Variants in MDFIC observed in about 807,000 individuals in gnomAD.
The protein encoded by MDFIC is myoD family inhibitor domain-containing protein.
Under a neutral mutation model 23.2 loss-of-function variants are expected in MDFIC, and 17 were observed. That is an observed-to-expected ratio of 0.73 (90% CI 0.50 to 1.10). The LOEUF (loss-of-function observed/expected upper bound fraction) is 1.10. Among genes scored for constraint, MDFIC ranks in the 50% least tolerant of loss-of-function variants. The pLI is 0.00. For missense variants in MDFIC, 356 were observed against 316.6 expected (o/e 1.12, Z -0.95); for synonymous variants, 120 against 115.2 (o/e 1.04, Z -0.27).
intron 4 of MDFIC, among the ~76,000 whole-genome samples, chr7:114,995,576 A>C (rs1323719752): frequency 1.3e-5 from 2 of 152,182 alleles, no homozygotes; most frequent in Non-Finnish European, 2.9e-5. Context: ...CAGGACCCTC[A>C]GCTGCAGGTC....
chr7:114,932,220 A>G (rs1792322463), intron 2 of MDFIC, among the ~76,000 whole-genome samples: 1 of 152,240 alleles, frequency 6.6e-6, no homozygotes, highest in Non-Finnish European at 1.5e-5. Flanking sequence ...AATGGATATA[A>G]TTCATACTTC....
At position 115,008,392 on chromosome 7, in the gene MDFIC, T is replaced by C. The variant is rs1262858800; in HGVS notation, c.494-7296T>C. On this transcript the variant is annotated intron_variant, in intron 4 of 4. Coordinates refer to ENST00000393486, the MANE Select transcript of MDFIC (RefSeq NM_001166345.3). ...ATTTCCCAAAGTATGGTGTTCTTTG[T>C]CCTGCAGTGGAAAATGTAGCTTTTC... Among the ~76,000 whole-genome samples the C allele has an allele frequency of 3.3e-5, 5 of 152,144 alleles. No homozygotes were observed. In the East Asian group the frequency reaches 7.7e-4, roughly 23 times the overall value.
chr7:114,986,736 A>G (rs905210667), intron 4 of MDFIC, among the ~76,000 whole-genome samples: 6 of 152,200 alleles, frequency 3.9e-5, no homozygotes, highest in African/African-American at 9.6e-5. Flanking sequence ...CATCTTAGTC[A>G]TCATCTCCTG....
chr7:115,010,715 T>G (rs1380809720), intron 4 of MDFIC, among the ~76,000 whole-genome samples: 1 of 152,214 alleles, frequency 6.6e-6, no homozygotes, highest in East Asian at 1.9e-4. Context: ...TTTTAATATT[T>G]ACATAAATAG....
At position 114,922,989 on chromosome 7, in the gene MDFIC, C is replaced by T; in HGVS notation, c.-45C>T. On this transcript the variant is annotated 5_prime_UTR_variant, in exon 2 of 5. Coordinates refer to ENST00000393486, the MANE Select transcript of MDFIC (RefSeq NM_001166345.3). Reference sequence around the variant, plus strand: ...TTCCTCCGTGCGCCCTGCCGGGCGGCGAGCTAGGCGGCAGCGGCGCGGCGC... The same window carrying T: ...TTCCTCCGTGCGCCCTGCCGGGCGGTGAGCTAGGCGGCAGCGGCGCGGCGC... The T allele has an allele frequency of 2.6e-6, 4 of 1,527,288 alleles. No individual in the cohort carries two copies. Among genetic ancestry groups the T allele is most frequent in the African/African-American group, 1.4e-5 (1 of 69,656 alleles). The allele number at this position is 1,527,288 out of a possible 1,614,324, so 94.6% of individuals were successfully genotyped here.
At chr7:114,945,467 T>A (rs1260550573) in intron 3 of MDFIC, among the ~76,000 whole-genome samples, 3 of 152,234 alleles carry the variant, frequency 2.0e-5, no homozygotes, top group Non-Finnish European at 4.4e-5. Flanking sequence ...GTACTTAGTC[T>A]GCTTTCCCTG....
chr7:114,960,071 T>C (rs1318373468), intron 3 of MDFIC, among the ~76,000 whole-genome samples: 1 of 152,156 alleles, frequency 6.6e-6, no homozygotes, highest in Non-Finnish European at 1.5e-5. Context: ...ACTCATTCAC[T>C]GTGGGACACT....
chr7:114,963,165 ATAATT>A (rs1563143433), intron 3 of MDFIC, among the ~76,000 whole-genome samples: 1 of 152,232 alleles, frequency 6.6e-6, no homozygotes, highest in Non-Finnish European at 1.5e-5. Flanking sequence ...TTATAAATGA[ATAATT>A]TATAATGGTA....
At chr7:115,001,230 G>A (rs908443704) in intron 4 of MDFIC, among the ~76,000 whole-genome samples, 1 of 152,148 alleles carries the variant, frequency 6.6e-6, no homozygotes, top group Non-Finnish European at 1.5e-5. Context: ...AGAAATCCAG[G>A]AGTTTGGGGG....
At chr7:114,931,749 T>C (rs969621285) in intron 2 of MDFIC, among the ~76,000 whole-genome samples, 1 of 152,082 alleles carries the variant, frequency 6.6e-6, no homozygotes, top group Admixed American at 6.6e-5. Context: ...AAGGAATCAG[T>C]TTTGTCTAAG....
intron 3 of MDFIC, among the ~76,000 whole-genome samples, chr7:114,959,866 G>T (rs938161324): frequency 6.7e-6 from 1 of 148,256 alleles, no homozygotes; most frequent in Non-Finnish European, 1.5e-5. Flanking sequence ...GGGACTGGAG[G>T]AAAAGTGAAA....
At chr7:114,999,938 G>T (rs1305442654) in intron 4 of MDFIC, among the ~76,000 whole-genome samples, 1 of 152,088 alleles carries the variant, frequency 6.6e-6, no homozygotes, top group Non-Finnish European at 1.5e-5. Flanking sequence ...TATTAAAGTT[G>T]TTGCAGAAAT....
intron 2 of MDFIC, among the ~76,000 whole-genome samples, chr7:114,938,117 C>A (rs1283735713): frequency 6.6e-6 from 1 of 152,044 alleles, no homozygotes; most frequent in Non-Finnish European, 1.5e-5. Flanking sequence ...CCACCATGCC[C>A]AGATAATTTT....
At chr7:115,001,852 C>T (rs1459796789) in intron 4 of MDFIC, among the ~76,000 whole-genome samples, 1 of 152,122 alleles carries the variant, frequency 6.6e-6, no homozygotes, top group African/African-American at 2.4e-5. Context: ...AAACTGGCCT[C>T]CTGGCCCGGC....
chr7:114,923,231 C>T, intron 2 of MDFIC, 104 bp downstream of exon 2: 3 of 1,405,158 alleles, frequency 2.1e-6, no homozygotes, highest in Non-Finnish European at 2.9e-6. Flanking sequence ...TGAGGAGGGG[C>T]TCCCACTCGT....
At chr7:114,970,013 A>G (rs1236159168) in intron 3 of MDFIC, among the ~76,000 whole-genome samples, 1 of 152,210 alleles carries the variant, frequency 6.6e-6, no homozygotes, top group Non-Finnish European at 1.5e-5. Context: ...TAAACTCTGA[A>G]GTACAGTGCT....
intron 2 of MDFIC, among the ~76,000 whole-genome samples, chr7:114,928,716 TAAG>T (rs1782198352): frequency 6.6e-6 from 1 of 152,156 alleles, no homozygotes; most frequent in Admixed American, 6.5e-5. Flanking sequence ...TGAAGTCTCT[TAAG>T]AAGAAAAGGA....
Position 114,979,604 on chromosome 7 carries a change from G to T in MDFIC, c.316G>T (p.Gly106Ter). Residue 106 changes from glycine (G) to a stop codon, truncating the protein, a stop_gained, in exon 4 of 5, where the codon GGA becomes TGA. Transcript: ENST00000393486. LOFTEE classifies it high-confidence loss of function. ...GAACGGCCACACAGGTCTGAGCAATGGAAATGGAATTCACCACGGGGCCAA... is the reference window on the plus strand; with the variant it reads ...GAACGGCCACACAGGTCTGAGCAATTGAAATGGAATTCACCACGGGGCCAA... ...IKNGHTGLSNGNGIHHGAKHG... is the reference protein window; with the variant it reads ...IKNGHTGLSN 6.2e-7 allele frequency: 1 copy of T among 1,614,086 alleles called. No homozygotes were observed. The highest frequency in any genetic ancestry group is 8.5e-7 in the Non-Finnish European group (1 of 1,180,004).
At chr7:114,992,038 T>A (rs1488778288) in intron 4 of MDFIC, among the ~76,000 whole-genome samples, 1 of 152,244 alleles carries the variant, frequency 6.6e-6, no homozygotes, top group Non-Finnish European at 1.5e-5. Flanking sequence ...AGCAGTGGTT[T>A]GTAGTTCTCC....
Sources: allele counts gnomAD v4.1 joint callset (sites outside exome capture counted in the v4.1 genomes callset), GRCh38; gene constraint gnomAD v4.1.1; transcripts MANE v1.5; gene names NCBI Gene and HGNC (gene_info 2026-07-23, HGNC 2026-07-21).